SLC19A1: variants seen among roughly 807,000 people sequenced by gnomAD.
SLC19A1 encodes the protein reduced folate transporter.
In SLC19A1, 37 loss-of-function variants were observed where a neutral mutation model predicts 35.3. That is an observed-to-expected ratio of 1.05 (90% CI 0.81 to 1.38). The LOEUF is 1.38. Ranked by LOEUF, SLC19A1 falls within the 40% of genes most tolerant of loss-of-function variation. The pLI is 0.00. For missense variants in SLC19A1, 831 were observed against 826.9 expected (o/e 1.00, Z -0.06); for synonymous variants, 460 against 398.5 (o/e 1.15, Z -1.84).
intron 4 of SLC19A1, among the ~76,000 whole-genome samples, chr21:45,529,638 TGTG>T (rs1211217324): frequency 4.0e-5 from 6 of 149,772 alleles, no homozygotes; most frequent in Admixed American, 1.3e-4. Context: ...TGTGTAAACG[TGTG>T]GTGTGTCCAT....
At position 45,537,889 on chromosome 21, in the gene SLC19A1, G is replaced by A. The variant is rs1384832547; in HGVS notation, c.71C>T (p.Ser24Phe). ...VEPGPDPELRSWRHLVCYLCF... is the reference protein window; with the variant it reads ...VEPGPDPELRFWRHLVCYLCF... The stretch of plus-strand genomic sequence containing the variant: ...AAGGTAGCACACGAGGTGCCGCCAG[G>A]ACCGGAGCTCGGGGTCAGGCCCAGG... The change falls in exon 2 of 6, where the codon TCC (serine) becomes TTC (phenylalanine). Residue 24 changes from serine (S) to phenylalanine (F), a missense_variant. Ser to Phe is a radical substitution (Grantham distance 155). Coordinates refer to ENST00000311124, the MANE Select transcript of SLC19A1 (RefSeq NM_194255.4). The A allele has an allele frequency of 1.2e-6, 2 of 1,600,662 alleles. No individual in the cohort carries two copies. The highest frequency in any genetic ancestry group is 1.7e-6 in the Non-Finnish European group (2 of 1,176,290).
In SLC19A1 at chr21:45,514,860, C is replaced by A. The variant is rs573897642; in HGVS notation, c.*798G>T. Reference sequence around the variant, plus strand: ...AGCGCCCACCACAAAGGCAGCCCCCCCAAGGCTGCCCAGCCCAGGCAAGCC... The same window carrying A: ...AGCGCCCACCACAAAGGCAGCCCCCACAAGGCTGCCCAGCCCAGGCAAGCC... On this transcript the variant is annotated 3_prime_UTR_variant, in exon 6 of 6. Transcript: ENST00000311124. 5.5e-5 allele frequency: 43 copies of A among 782,766 alleles called. No individual in the cohort carries two copies. Among genetic ancestry groups the A allele is most frequent in the Admixed American group, 1.9e-4 (5 of 26,812 alleles). 48.5% of individuals were successfully genotyped at this position (782,766 alleles called of 1,614,324 possible).
chr21:45,505,660 G>C (rs997561674), intron 3 of SLC19A1, among the ~76,000 whole-genome samples: 1 of 152,170 alleles, frequency 6.6e-6, no homozygotes, highest in East Asian at 1.9e-4. Flanking sequence ...CCACGGAGGC[G>C]CAGGAGCTGG....
downstream of SLC19A1, among the ~76,000 whole-genome samples, chr21:45,511,822 C>T (rs959961170): frequency 6.6e-5 from 10 of 152,210 alleles, no homozygotes; most frequent in African/African-American, 2.2e-4. Context: ...CAGGGCTGGG[C>T]CCCAGGGAAG....
chr21:45,532,851 GGA>G (rs1298844029), intron 2 of SLC19A1, among the ~76,000 whole-genome samples: 1 of 152,216 alleles, frequency 6.6e-6, no homozygotes, highest in African/African-American at 2.4e-5. Flanking sequence ...CATCCTTCCT[GGA>G]GAGAGACAAA....
At chr21:45,504,414 A>AG (rs757968099) in intron 3 of SLC19A1, 1 of 1,610,962 alleles carries the variant, frequency 6.2e-7, no homozygotes, top group Non-Finnish European at 8.5e-7. Context: ...TTCCGTCCAC[A>AG]GGGGGAGAAG....
chr21:45,543,049 C>T (rs1338756235), upstream of SLC19A1, among the ~76,000 whole-genome samples: 1 of 152,120 alleles, frequency 6.6e-6, no homozygotes, highest in Non-Finnish European at 1.5e-5. Flanking sequence ...GACCGTGACC[C>T]GTACGGGCTT....
At chr21:45,512,156 G>A (rs750644124), downstream of SLC19A1, 1 of 1,595,700 alleles carries the variant, frequency 6.3e-7, no homozygotes, top group Admixed American at 1.7e-5. Context: ...GAGCAGGTCT[G>A]GGTTTGACTG....
At chr21:45,529,552 C>A (rs2077773612) in intron 4 of SLC19A1, among the ~76,000 whole-genome samples, 1 of 151,928 alleles carries the variant, frequency 6.6e-6, no homozygotes, top group Non-Finnish European at 1.5e-5. Context: ...TGTGTGTGGT[C>A]TGAGTATGTG....
intron 4 of SLC19A1, among the ~76,000 whole-genome samples, chr21:45,528,414 AGACACACAGGG>A (rs1168595300): frequency 6.6e-6 from 1 of 151,918 alleles, no homozygotes; most frequent in Non-Finnish European, 1.5e-5. Context: ...CAGAGTCAGG[AGACACACAGGG>A]GCCACTCAGT....
At chr21:45,555,160 CGGGGGCGGCGCAGGGGGCGGTGCA>C (rs2078533328) in intron 1 of SLC19A1, among the ~76,000 whole-genome samples, 3 of 41,824 alleles carry the variant, frequency 7.2e-5, no homozygotes, top group African/African-American at 4.0e-4. Context: ...CAGGGGGCGG[CGGGGGCGGCGCAGGGGGCGGTGCA>C]GGGGGCGGCG....
At chr21:45,512,376 G>A, downstream of SLC19A1, 1 of 1,612,688 alleles carries the variant, frequency 6.2e-7, no homozygotes, top group Non-Finnish European at 8.5e-7. Flanking sequence ...ATTGAGAACA[G>A]CTTCATGACT....
At chr21:45,519,551 G>C (rs960262590) in intron 5 of SLC19A1, among the ~76,000 whole-genome samples, 1 of 106,340 alleles carries the variant, frequency 9.4e-6, no homozygotes, top group Non-Finnish European at 1.8e-5. Flanking sequence ...ATTAACATCA[G>C]GTAAAATAAA....
In SLC19A1 at chr21:45,533,378, C is replaced by T. The variant is rs2330183; in HGVS notation, c.190-1230G>A. Among the ~76,000 whole-genome samples, 77,509 of 152,054 alleles carry T rather than the reference C, an allele frequency of 0.51. 20,711 individuals carry two copies. Among genetic ancestry groups the T allele is most frequent in the South Asian group, 0.6 (2,915 of 4,830 alleles). On this transcript the variant is annotated intron_variant, in intron 2 of 5. Coordinates refer to ENST00000311124, the MANE Select transcript of SLC19A1 (RefSeq NM_194255.4). The surrounding 1 kb of genome is among the most constrained non-coding windows in gnomAD (Gnocchi z 4.5). Reference sequence around the variant, plus strand: ...ACAGGCAGGCACCAAACGTCCTCAGCTGTCTTGGCAGGGGCCAGGGCTGCT... The same window carrying T: ...ACAGGCAGGCACCAAACGTCCTCAGTTGTCTTGGCAGGGGCCAGGGCTGCT...
chr21:45,505,266 C>T (rs1375170314), intron 3 of SLC19A1: 3 of 1,607,632 alleles, frequency 1.9e-6, no homozygotes, highest in Non-Finnish European at 1.7e-6. Context: ...ATTTCCTGGC[C>T]CTCACAGGCA....
At chr21:45,525,060 G>C (rs1011162574) in intron 5 of SLC19A1, among the ~76,000 whole-genome samples, 18 of 152,216 alleles carry the variant, frequency 1.2e-4, no homozygotes, top group African/African-American at 4.3e-4. Context: ...GTGAGCCGAA[G>C]GGGATGCCTG....
chr21:45,516,219 C>T, intron 5 of SLC19A1, 79 bp from the exon 6 acceptor site: 1 of 1,109,346 alleles, frequency 9.0e-7, no homozygotes, highest in Non-Finnish European at 1.3e-6. Flanking sequence ...CGCCTGCTCC[C>T]AGGCTCACCC....
chr21:45,507,269 C>T, intron 3 of SLC19A1: 1 of 492,642 alleles, frequency 2.0e-6, no homozygotes, highest in Non-Finnish European at 3.6e-6. Flanking sequence ...GGAGGGCAAC[C>T]TGCTGTGGAC....
intron 4 of SLC19A1, among the ~76,000 whole-genome samples, chr21:45,528,333 G>A (rs1209789755): frequency 3.3e-5 from 5 of 152,148 alleles, no homozygotes; most frequent in Non-Finnish European, 5.9e-5. Context: ...CGTGATGGGG[G>A]CACAGGTGAT....
Sources: gnomAD v4.1 joint callset for allele counts (sites outside exome capture counted in the v4.1 genomes callset) on GRCh38, gnomAD v4.1.1 for gene constraint, Gnocchi (gnomAD v3.1) non-coding constraint, MANE v1.5 for transcripts, NCBI Gene and HGNC (gene_info 2026-07-23, HGNC 2026-07-21) for gene names.